Variants in SLC25A26 observed in about 807,000 individuals in gnomAD.
SLC25A26 encodes the protein solute carrier family 25 member 26, also known as mitochondrial S-adenosylmethionine carrier protein.
In SLC25A26, 36 loss-of-function variants were observed where a neutral mutation model predicts 37.8. The observed-to-expected ratio is 0.95, with a 90% CI of 0.73 to 1.26. SLC25A26 has a LOEUF of 1.26. SLC25A26 is among the 50% of genes most tolerant of loss of function. The pLI, the probability that SLC25A26 is intolerant of heterozygous loss-of-function variation, is 0.00. For missense variants in SLC25A26, 390 were observed against 331.1 expected, an observed-to-expected ratio of 1.18 and a Z score of -1.38; for synonymous variants, 129 against 122.5, an observed-to-expected ratio of 1.05 and a Z score of -0.35.
intron 1 of SLC25A26, among the ~76,000 whole-genome samples, chr3:66,201,664 T>A (rs1002499503): frequency 0.031 from 4,768 of 152,332 alleles, 127 homozygotes; most frequent in Non-Finnish European, 0.051. Context: ...ATAGACTCTG[T>A]TTTAAACTTG....
At chr3:66,212,225 C>A (rs1232392925) in intron 1 of SLC25A26, among the ~76,000 whole-genome samples, 2 of 152,110 alleles carry the variant, frequency 1.3e-5, no homozygotes, top group Non-Finnish European at 2.9e-5. Context: ...GATCCTCCCA[C>A]CTCAGCCTCC....
chr3:66,313,046 A>C lies in SLC25A26; in HGVS notation c.454-33318A>C, dbSNP rs1575548716. On this transcript the variant is annotated intron_variant, in intron 5 of 9. Transcript: ENST00000354883. ...TACTAGACCTTTGTCAGATGGATGG[A>C]TAGCAAAAATTTTCTTCCACTCTGT... Among the ~76,000 whole-genome samples the C allele has an allele frequency of 2.0e-5, 3 of 152,162 alleles. No individual in the cohort carries two copies. The South Asian group carries it at 6.2e-4, about 31-fold the overall frequency.
intron 1 of SLC25A26, among the ~76,000 whole-genome samples, chr3:66,173,077 T>C (rs1295823428): frequency 6.6e-6 from 1 of 152,218 alleles, no homozygotes; most frequent in Non-Finnish European, 1.5e-5. Context: ...GCTCTCTGTG[T>C]TTACTTCATT....
intron 5 of SLC25A26, among the ~76,000 whole-genome samples, chr3:66,287,806 A>T (rs943866042): frequency 1.3e-5 from 2 of 152,200 alleles, no homozygotes; most frequent in African/African-American, 4.8e-5. Flanking sequence ...CTAGAACCTA[A>T]ATTATTTGCT....
intron 5 of SLC25A26, among the ~76,000 whole-genome samples, chr3:66,279,756 G>A (rs955443022): frequency 6.6e-6 from 1 of 152,108 alleles, no homozygotes; most frequent in Non-Finnish European, 1.5e-5. Context: ...TGGTTAAATT[G>A]ATCTGTGGGA....
intron 2 of SLC25A26, among the ~76,000 whole-genome samples, chr3:66,238,211 G>T (rs1265933428): frequency 2.0e-5 from 3 of 152,132 alleles, no homozygotes; most frequent in African/African-American, 7.2e-5. Flanking sequence ...CAATTTGGCA[G>T]TTAGGGGTGT....
chr3:66,361,217 A>G (rs2076700250), intron 6 of SLC25A26, among the ~76,000 whole-genome samples: 1 of 152,228 alleles, frequency 6.6e-6, no homozygotes, highest in Admixed American at 6.5e-5. Flanking sequence ...ACTTCAATCT[A>G]CATATTGTAC....
At chr3:66,377,060 G>A (rs557759860) in intron 9 of SLC25A26, among the ~76,000 whole-genome samples, 1 of 152,114 alleles carries the variant, frequency 6.6e-6, no homozygotes, top group East Asian at 1.9e-4. Context: ...GTATGGGGAG[G>A]GGGGGCAGTT....
chr3:66,371,094 T>G (rs1347045464), intron 9 of SLC25A26: 2 of 1,394,384 alleles, frequency 1.4e-6, no homozygotes, highest in Non-Finnish European at 1.9e-6. Context: ...CTTCATGTCC[T>G]AAAAGCTCTC....
intron 5 of SLC25A26, among the ~76,000 whole-genome samples, chr3:66,296,536 T>G (rs2074907648): frequency 6.6e-6 from 1 of 152,194 alleles, no homozygotes; most frequent in African/African-American, 2.4e-5. Context: ...GAGTAAAAGC[T>G]TTGGCAACTA....
At chr3:66,211,151 A>G (rs1321672900) in intron 1 of SLC25A26, among the ~76,000 whole-genome samples, 2 of 152,184 alleles carry the variant, frequency 1.3e-5, no homozygotes, top group African/African-American at 4.8e-5. Flanking sequence ...TTTACAAGAG[A>G]TCCTTGAACT....
intron 6 of SLC25A26, among the ~76,000 whole-genome samples, chr3:66,357,108 T>C (rs547047513): frequency 1.2e-4 from 18 of 152,344 alleles, no homozygotes; most frequent in African/African-American, 4.3e-4. Context: ...AAACTTGATA[T>C]TTCTCATTAA....
intron 1 of SLC25A26, among the ~76,000 whole-genome samples, chr3:66,209,232 C>A (rs1407673328): frequency 4.5e-5 from 6 of 132,124 alleles, no homozygotes; most frequent in Admixed American, 1.6e-4. Context: ...GAATATATAA[C>A]GATATACCCA....
chr3:66,259,024 C>T (rs180837717), intron 3 of SLC25A26, among the ~76,000 whole-genome samples: 7 of 152,186 alleles, frequency 4.6e-5, no homozygotes, highest in Non-Finnish European at 2.9e-5. Context: ...AGAATCAGAC[C>T]CCTGGACGGG....
intron 5 of SLC25A26, among the ~76,000 whole-genome samples, chr3:66,327,544 T>G (rs1278818161): frequency 6.6e-6 from 1 of 152,180 alleles, no homozygotes; most frequent in Non-Finnish European, 1.5e-5. Context: ...AATTCATTTG[T>G]TATATTTAGG....
intron 2 of SLC25A26, among the ~76,000 whole-genome samples, chr3:66,240,743 T>A (rs2072537182): frequency 7.9e-6 from 1 of 127,332 alleles, no homozygotes; most frequent in East Asian, 2.3e-4. Context: ...TAGCCTTTTC[T>A]TTTCTTTTTT....
chr3:66,220,859 G>T, upstream of SLC25A26: 2 of 576,670 alleles, frequency 3.5e-6, no homozygotes, highest in Non-Finnish European at 6.1e-6. Context: ...GGAAACCGAG[G>T]TAAGGGATTT....
intron 5 of SLC25A26, among the ~76,000 whole-genome samples, chr3:66,325,096 C>G (rs1274912021): frequency 2.6e-5 from 4 of 152,130 alleles, no homozygotes; most frequent in African/African-American, 7.2e-5. Flanking sequence ...ATTGACAACC[C>G]TTGCCTTATC....
intron 1 of SLC25A26, among the ~76,000 whole-genome samples, chr3:66,201,896 T>C (rs1215998612): frequency 6.6e-6 from 1 of 152,008 alleles, no homozygotes; most frequent in African/African-American, 2.4e-5. Flanking sequence ...ACAGATGCAA[T>C]ATAGAGTACT....
Sources: gnomAD v4.1 joint callset for allele counts (sites outside exome capture counted in the v4.1 genomes callset) on GRCh38, gnomAD v4.1.1 for gene constraint, MANE v1.5 for transcripts, NCBI Gene and HGNC (gene_info 2026-07-23, HGNC 2026-07-21) for gene names.